ARL15: variants seen among roughly 807,000 people sequenced by gnomAD.
The protein encoded by ARL15 is ADP-ribosylation factor-like protein 15.
In ARL15, 19 loss-of-function variants were observed where a neutral mutation model predicts 25.2. The ratio of observed to expected loss-of-function variants is 0.75; its 90% CI spans 0.53 to 1.10. The LOEUF is 1.10. Ranked by LOEUF, ARL15 falls within the 50% of genes least tolerant of loss-of-function variation. The pLI is 0.00. For synonymous variants in ARL15, 94 were observed against 86.8 expected (o/e 1.08, Z -0.46); for missense variants, 220 against 246.0 (o/e 0.89, Z 0.71).
In ARL15 at chr5:54,136,198, CA is replaced by C. The variant is rs572528349; in HGVS notation, c.253+18381del. 1.6e-3 allele frequency among the ~76,000 whole-genome samples: 250 copies of C among 151,868 alleles called. 3 individuals are homozygous for C. The highest frequency in any genetic ancestry group is 8.2e-3 in the Admixed American group (125 of 15,250). ...GACTCATTTAGTACAATTTTATCAG[CA>C]AAAAAAATTTTAAAAATGACTACTT... On this transcript the variant is annotated intron_variant, in intron 3 of 4. Coordinates refer to ENST00000504924, the MANE Select transcript of ARL15 (RefSeq NM_019087.3).
intron 3 of ARL15, among the ~76,000 whole-genome samples, chr5:54,135,178 G>T (rs1753563818): frequency 6.6e-6 from 1 of 152,066 alleles, no homozygotes; most frequent in South Asian, 2.1e-4. Flanking sequence ...ATCAGCTGAA[G>T]AACACAATGG....
At chr5:54,272,107 C>CT (rs34592464) in intron 1 of ARL15, among the ~76,000 whole-genome samples, 1,895 of 36,788 alleles carry the variant, frequency 0.052, 598 homozygotes, top group Non-Finnish European at 0.068. Flanking sequence ...CCACTCCTGG[C>CT]TTTTTTTTTT....
intron 1 of ARL15, among the ~76,000 whole-genome samples, chr5:54,198,712 C>T (rs1225843101): frequency 6.6e-6 from 1 of 151,166 alleles, no homozygotes; most frequent in Admixed American, 6.6e-5. Flanking sequence ...ATGAAAATAG[C>T]CATACTGCCC....
intron 4 of ARL15, among the ~76,000 whole-genome samples, chr5:54,034,054 C>T (rs910247946): frequency 5.3e-5 from 8 of 152,156 alleles, no homozygotes; most frequent in African/African-American, 1.9e-4. Context: ...ACTTCGTGAT[C>T]CGCTTGCCTT....
intron 4 of ARL15, among the ~76,000 whole-genome samples, chr5:53,985,881 C>T (rs1664786): frequency 0.36 from 54,890 of 151,932 alleles, 10,709 homozygotes; most frequent in Middle Eastern, 0.46. Context: ...TCCCCAAATC[C>T]AAAGGTCCCC....
intron 4 of ARL15, among the ~76,000 whole-genome samples, chr5:54,065,214 T>C (rs186245821): frequency 6.6e-6 from 1 of 152,372 alleles, no homozygotes; most frequent in African/African-American, 2.4e-5. Flanking sequence ...AAAACTAATC[T>C]TTAAAGTAGG....
intron 1 of ARL15, among the ~76,000 whole-genome samples, chr5:54,268,368 C>A (rs1483152712): frequency 1.3e-5 from 2 of 152,148 alleles, no homozygotes; most frequent in Admixed American, 6.5e-5. Context: ...ATACATTCGT[C>A]TAAATTTTTT....
chr5:54,158,959 T>C (rs560132654), intron 2 of ARL15, among the ~76,000 whole-genome samples: 19 of 152,266 alleles, frequency 1.2e-4, no homozygotes, highest in African/African-American at 4.3e-4. Flanking sequence ...CTCCTCCATA[T>C]ACCAACAAAC....
At chr5:54,182,623 G>T (rs1164539993) in intron 1 of ARL15, among the ~76,000 whole-genome samples, 1 of 148,092 alleles carries the variant, frequency 6.8e-6, no homozygotes, top group East Asian at 2.1e-4. Context: ...GATTGACTTG[G>T]CGATGCGGGC....
intron 4 of ARL15, among the ~76,000 whole-genome samples, chr5:54,020,728 C>T (rs932780401): frequency 2.6e-5 from 4 of 151,428 alleles, no homozygotes; most frequent in Non-Finnish European, 5.9e-5. Context: ...CTCAGGTGGC[C>T]GGGAGGTCAG....
chr5:54,223,259 A>T (rs2112536644), intron 1 of ARL15, among the ~76,000 whole-genome samples: 1 of 152,220 alleles, frequency 6.6e-6, no homozygotes, highest in African/African-American at 2.4e-5. Context: ...ACATCATGTA[A>T]AAAAATTATG....
intron 1 of ARL15, among the ~76,000 whole-genome samples, chr5:54,299,050 C>T (rs867061405): frequency 2.6e-5 from 4 of 152,096 alleles, no homozygotes; most frequent in African/African-American, 9.6e-5. Context: ...GCCACCGGTG[C>T]ATGCCACCAT....
At chr5:54,174,442 C>T (rs952678956) in intron 1 of ARL15, among the ~76,000 whole-genome samples, 1 of 152,076 alleles carries the variant, frequency 6.6e-6, no homozygotes, top group African/African-American at 2.4e-5. Context: ...TTCACTTTTC[C>T]TCTGTTCTCA....
chr5:53,886,486 C>A lies in ARL15; in HGVS notation c.*75G>T. 1 of 1,477,718 alleles carries A rather than the reference C, an allele frequency of 6.8e-7. No homozygotes were observed. Among genetic ancestry groups the A allele is most frequent in the Non-Finnish European group, 9.0e-7 (1 of 1,111,046 alleles). The allele number at this position is 1,477,718 out of a possible 1,614,324, so 91.5% of individuals were successfully genotyped here. A position where few individuals can be genotyped will look rare whatever the true frequency, so the allele number is the denominator to read the frequency against. The stretch of plus-strand genomic sequence containing the variant: ...TACTGAAGCCAATATAGTCTTGATA[C>A]CAAAATAAAATTAAAATGAGAAACT... On this transcript the variant is annotated 3_prime_UTR_variant, in exon 5 of 5. Transcript: ENST00000504924.
intron 4 of ARL15, among the ~76,000 whole-genome samples, chr5:53,982,235 T>C (rs1042442429): frequency 1.3e-5 from 2 of 151,428 alleles, no homozygotes; most frequent in African/African-American, 2.4e-5. Flanking sequence ...GTGCAGAAGG[T>C]GCAGGTTTGT....
Position 54,196,025 on chromosome 5 carries a change from A to G in ARL15, c.49-24097T>C, listed in dbSNP as rs146778503. 6.1e-3 allele frequency among the ~76,000 whole-genome samples: 922 copies of G among 152,258 alleles called. 13 individuals are homozygous for G. Among genetic ancestry groups the G allele is most frequent in the African/African-American group, 0.021 (889 of 41,564 alleles). ...GAATATGCTAGGACATATTCATCAA[A>G]GCAGAAAAGGATTCTACCTGACTCT... is the stretch of plus-strand genomic sequence containing the variant. On this transcript the variant is annotated intron_variant, in intron 1 of 4. Coordinates refer to ENST00000504924, the MANE Select transcript of ARL15 (RefSeq NM_019087.3).
intron 1 of ARL15, among the ~76,000 whole-genome samples, chr5:54,181,252 TA>T (rs1446613218): frequency 3.9e-5 from 6 of 152,168 alleles, no homozygotes; most frequent in African/African-American, 1.4e-4. Flanking sequence ...TCTTACATTG[TA>T]ATGGCTTGAA....
chr5:54,255,745 A>G (rs1218504357), intron 1 of ARL15, among the ~76,000 whole-genome samples: 1 of 152,192 alleles, frequency 6.6e-6, no homozygotes, highest in African/African-American at 2.4e-5. Flanking sequence ...ATTTAAAAAT[A>G]TTGTATAAAA....
At chr5:53,911,440 T>C (rs183735553) in intron 4 of ARL15, among the ~76,000 whole-genome samples, 5 of 152,294 alleles carry the variant, frequency 3.3e-5, no homozygotes, top group African/African-American at 4.8e-5. Flanking sequence ...TTTCAGGTGA[T>C]AGGATTTTAA....
Sources: gnomAD v4.1 joint callset for allele counts (sites outside exome capture counted in the v4.1 genomes callset) on GRCh38, gnomAD v4.1.1 for gene constraint, MANE v1.5 for transcripts, NCBI Gene and HGNC (gene_info 2026-07-23, HGNC 2026-07-21) for gene names.